The following ARL15 variants were observed in gnomAD, a reference collection of about 807,000 sequenced individuals.
ARL15 encodes the protein ARF like GTPase 15, also known as ADP-ribosylation factor-like protein 15.
Under a neutral mutation model 25.2 loss-of-function variants are expected in ARL15, and 19 were observed. The observed-to-expected ratio is 0.75, with a 90% CI of 0.53 to 1.10. The LOEUF is 1.10. Among genes scored for constraint, ARL15 ranks in the 50% least tolerant of loss-of-function variants. ARL15 has a pLI of 0.00. For synonymous variants in ARL15, 94 were observed against 86.8 expected, an observed-to-expected ratio of 1.08 and a Z score of -0.46; for missense variants, 220 against 246.0, an observed-to-expected ratio of 0.89 and a Z score of 0.71.
At chr5:54,254,753 T>A (rs1172395781) in intron 1 of ARL15, among the ~76,000 whole-genome samples, 7 of 147,234 alleles carry the variant, frequency 4.8e-5, no homozygotes, top group Non-Finnish European at 7.4e-5. Context: ...GCTTTCCTCA[T>A]CCAGAAAAAA....
At chr5:54,164,215 TC>T (rs1267727346) in intron 2 of ARL15, among the ~76,000 whole-genome samples, 1 of 152,022 alleles carries the variant, frequency 6.6e-6, no homozygotes, top group Non-Finnish European at 1.5e-5. Flanking sequence ...TGCAATTCTA[TC>T]ACGGTCTAAG....
intron 4 of ARL15, among the ~76,000 whole-genome samples, chr5:53,896,567 C>T (rs1477237510): frequency 1.3e-5 from 2 of 151,992 alleles, no homozygotes; most frequent in Non-Finnish European, 2.9e-5. Context: ...GATCTCGGCT[C>T]ACTGCAAGCT....
chr5:54,192,098 G>A (rs1755421138), intron 1 of ARL15, among the ~76,000 whole-genome samples: 1 of 151,976 alleles, frequency 6.6e-6, no homozygotes, highest in Admixed American at 6.6e-5. Flanking sequence ...CAGGACCTTT[G>A]CACTTGCCAT....
At chr5:53,969,298 T>C (rs982077230) in intron 4 of ARL15, among the ~76,000 whole-genome samples, 1 of 152,220 alleles carries the variant, frequency 6.6e-6, no homozygotes, top group Non-Finnish European at 1.5e-5. Context: ...CTATTAGGTA[T>C]TCAACAATTT....
At chr5:54,156,691 C>T (rs558446882) in intron 2 of ARL15, among the ~76,000 whole-genome samples, 1 of 152,192 alleles carries the variant, frequency 6.6e-6, no homozygotes, top group Non-Finnish European at 1.5e-5. Context: ...GTTCATTGGG[C>T]CCTCTAACAA....
intron 2 of ARL15, among the ~76,000 whole-genome samples, chr5:54,167,038 C>G (rs549747287): frequency 5.3e-5 from 8 of 152,174 alleles, no homozygotes; most frequent in African/African-American, 1.9e-4. Flanking sequence ...ACTCCACTTA[C>G]GGCTGACCTT....
In ARL15 at chr5:53,934,350, T is replaced by C. The variant is rs115735160; in HGVS notation, c.463-47637A>G. On this transcript the variant is annotated intron_variant, in intron 4 of 4. Coordinates refer to ENST00000504924, the MANE Select transcript of ARL15 (RefSeq NM_019087.3). Reference sequence around the variant, plus strand: ...CCTTACTGTCATTTCATGAGAAATCTTAAGTATGTAACCACATACCAACTT... The same window carrying C: ...CCTTACTGTCATTTCATGAGAAATCCTAAGTATGTAACCACATACCAACTT... Among the ~76,000 whole-genome samples, 747 of 152,284 alleles carry C rather than the reference T, an allele frequency of 4.9e-3. 2 individuals are homozygous for C. Among genetic ancestry groups the C allele is most frequent in the Admixed American group, 8.8e-3 (135 of 15,306 alleles).
At chr5:54,154,700 G>C (rs1754171025) in intron 2 of ARL15, 61 bp from the exon 3 acceptor site, 2 of 1,035,258 alleles carry the variant, frequency 1.9e-6, no homozygotes, top group South Asian at 3.2e-5. Context: ...AAAACACTTA[G>C]GATGCTCAAA....
intron 1 of ARL15, among the ~76,000 whole-genome samples, chr5:54,241,847 C>T (rs1756966534): frequency 6.6e-6 from 1 of 152,150 alleles, no homozygotes; most frequent in African/African-American, 2.4e-5. Context: ...CTTCTGGGGG[C>T]TCTGTCATCC....
intron 4 of ARL15, among the ~76,000 whole-genome samples, chr5:54,080,540 GA>G (rs1436291515): frequency 6.6e-6 from 1 of 152,014 alleles, no homozygotes; most frequent in Non-Finnish European, 1.5e-5. Context: ...TCCCCAAGAA[GA>G]AAAAGGCCTA....
intron 1 of ARL15, among the ~76,000 whole-genome samples, chr5:54,178,476 T>C (rs1485661794): frequency 6.6e-6 from 1 of 152,306 alleles, no homozygotes; most frequent in African/African-American, 2.4e-5. Flanking sequence ...TTTTTCTATG[T>C]GGCCCAAGGG....
intron 3 of ARL15, among the ~76,000 whole-genome samples, chr5:54,134,966 C>T (rs1404775454): frequency 1.3e-5 from 2 of 152,046 alleles, no homozygotes; most frequent in African/African-American, 4.8e-5. Context: ...TACATGTTTA[C>T]ATATTTTAAT....
intron 4 of ARL15, among the ~76,000 whole-genome samples, chr5:53,946,135 G>A (rs574346378): frequency 2.6e-5 from 4 of 152,278 alleles, no homozygotes; most frequent in African/African-American, 9.6e-5. Flanking sequence ...AACCTGAAGT[G>A]CCTAGCACAG....
At chr5:54,047,936 T>C (rs1750576746) in intron 4 of ARL15, 1 of 152,228 alleles carries the variant, frequency 6.6e-6, no homozygotes, top group African/African-American at 2.4e-5. Context: ...TCACATGTCT[T>C]GTTTTTAGAA....
intron 4 of ARL15, among the ~76,000 whole-genome samples, chr5:54,091,758 A>G (rs1307612733): frequency 1.3e-5 from 2 of 151,202 alleles, no homozygotes; most frequent in Non-Finnish European, 2.9e-5. Context: ...GCAAGACTTG[A>G]GATGAAGAGA....
intron 1 of ARL15, among the ~76,000 whole-genome samples, chr5:54,215,431 C>T (rs1756167041): frequency 6.6e-6 from 1 of 152,098 alleles, no homozygotes; most frequent in Non-Finnish European, 1.5e-5. Context: ...ACTGTTTGTT[C>T]CCTGTAACAC....
intron 4 of ARL15, among the ~76,000 whole-genome samples, chr5:54,041,735 T>C (rs1024801773): frequency 2.6e-5 from 4 of 152,206 alleles, no homozygotes; most frequent in African/African-American, 9.6e-5. Context: ...ATTTCATAGT[T>C]GGAATTGAAA....
At chr5:53,931,852 G>A (rs1051217866) in intron 4 of ARL15, among the ~76,000 whole-genome samples, 4 of 152,122 alleles carry the variant, frequency 2.6e-5, no homozygotes, top group Non-Finnish European at 5.9e-5. Flanking sequence ...TTCAATAACT[G>A]TCTTTTAAGT....
intron 4 of ARL15, 108 bp from the exon 5 acceptor site, chr5:53,886,821 G>T: frequency 1.0e-6 from 1 of 1,003,754 alleles, no homozygotes. Context: ...GAATTTATAC[G>T]AACTGTGATG....
Sources: gnomAD v4.1 joint callset for allele counts (sites outside exome capture counted in the v4.1 genomes callset) on GRCh38, gnomAD v4.1.1 for gene constraint, MANE v1.5 for transcripts, NCBI Gene and HGNC (gene_info 2026-07-23, HGNC 2026-07-21) for gene names.